The following NSG2 variants were observed in gnomAD, a reference collection of about 807,000 sequenced individuals.
NSG2 encodes the protein neuronal vesicle trafficking-associated protein 2.
NSG2 carries 4 observed loss-of-function variants against 16.9 expected under a neutral mutation model. The ratio of observed to expected loss-of-function variants is 0.24; its 90% CI spans 0.12 to 0.54. NSG2 has a LOEUF of 0.54. NSG2 is among the 20% of genes least tolerant of loss of function. The probability of loss-of-function intolerance (pLI) is 0.95; values close to 1 mark genes in which losing one functional copy is unlikely to be tolerated. For missense variants in NSG2, 179 were observed against 221.1 expected (o/e 0.81, Z 1.21); for synonymous variants, 98 against 88.7 (o/e 1.11, Z -0.59).
At chr5:174,053,792 G>T (rs1759927914) in intron 2 of NSG2, among the ~76,000 whole-genome samples, 2 of 152,150 alleles carry the variant, frequency 1.3e-5, no homozygotes, top group African/African-American at 4.8e-5. Flanking sequence ...ACAAAAAAAT[G>T]GATATTTCCT....
At chr5:174,073,031 C>CA (rs1280049034) in intron 3 of NSG2, among the ~76,000 whole-genome samples, 35 of 151,916 alleles carry the variant, frequency 2.3e-4, no homozygotes, top group African/African-American at 6.8e-4. Context: ...AATGAGCAAA[C>CA]AAAAAAAATC....
chr5:174,046,920 G>A (rs544540220), intron 2 of NSG2, 36 bp downstream of exon 2: 11 of 1,605,002 alleles, frequency 6.9e-6, no homozygotes, highest in Non-Finnish European at 9.4e-6. Flanking sequence ...CAGCCCCCAG[G>A]CTCCCCCCAT....
chr5:174,078,956 CAT>C (rs895097257), intron 3 of NSG2, among the ~76,000 whole-genome samples: 3 of 152,210 alleles, frequency 2.0e-5, no homozygotes, highest in Admixed American at 6.5e-5. Flanking sequence ...CACACACACA[CAT>C]GCACACGCAC....
chr5:174,099,624 C>T (rs1760868411), intron 3 of NSG2, among the ~76,000 whole-genome samples: 1 of 152,214 alleles, frequency 6.6e-6, no homozygotes, highest in Admixed American at 6.5e-5. Context: ...CCCAGGCCCC[C>T]AGGCTTCCCC....
intron 3 of NSG2, among the ~76,000 whole-genome samples, chr5:174,073,370 T>C (rs967083400): frequency 1.3e-5 from 2 of 152,224 alleles, no homozygotes; most frequent in African/African-American, 4.8e-5. Context: ...TCTTTTAAAT[T>C]TTGAGGAACA....
intron 2 of NSG2, among the ~76,000 whole-genome samples, chr5:174,052,634 C>T (rs910143038): frequency 4.6e-5 from 7 of 152,342 alleles, no homozygotes; most frequent in Middle Eastern, 3.4e-3. Context: ...GCCTTTGGTG[C>T]TTTGCTGCCT....
intron 2 of NSG2, among the ~76,000 whole-genome samples, chr5:174,062,806 C>T (rs1277986228): frequency 6.6e-6 from 1 of 152,178 alleles, no homozygotes; most frequent in African/African-American, 2.4e-5. Context: ...GAGTCCATGA[C>T]ATGCCTCACA....
At chr5:174,059,876 G>T (rs1760022735) in intron 2 of NSG2, among the ~76,000 whole-genome samples, 1 of 152,210 alleles carries the variant, frequency 6.6e-6, no homozygotes, top group South Asian at 2.1e-4. Context: ...CTTTCATCAA[G>T]ACACTAGTCA....
intron 4 of NSG2, among the ~76,000 whole-genome samples, chr5:174,106,001 A>G (rs1760974117): frequency 6.6e-6 from 1 of 152,224 alleles, no homozygotes; most frequent in Non-Finnish European, 1.5e-5. Context: ...CGTCACTACA[A>G]CTGGGAAAAT....
In NSG2 at chr5:174,064,274, A is replaced by G; in HGVS notation, c.172A>G (p.Asn58Asp). The part of the protein sequence containing the change: ...TRTEYQPEQK[N>D]KGKFRVPKIA... The stretch of plus-strand genomic sequence containing the variant: ...AACGGAATATCAGCCGGAACAGAAG[A>G]ACAAAGGGAAGTTCCGGGTGCCGAA... The change falls in exon 3 of 5, where the codon AAC becomes GAC. Residue 58 changes from asparagine to aspartate, a missense_variant. By Grantham distance (23) the Asn-to-Asp change is conservative. Transcript: ENST00000303177. 6.2e-7 allele frequency: 1 copy of G among 1,612,270 alleles called. No individual in the cohort carries two copies. Among genetic ancestry groups the G allele is most frequent in the Non-Finnish European group, 8.5e-7 (1 of 1,178,852 alleles).
chr5:174,050,687 G>C (rs1399505809), intron 2 of NSG2, among the ~76,000 whole-genome samples: 1 of 152,010 alleles, frequency 6.6e-6, no homozygotes, highest in Non-Finnish European at 1.5e-5. Flanking sequence ...GCTGCCCCTT[G>C]AGCCCTCCCC....
At chr5:174,063,511 T>C (rs1261930550) in intron 2 of NSG2, among the ~76,000 whole-genome samples, 1 of 150,342 alleles carries the variant, frequency 6.7e-6, no homozygotes, top group Non-Finnish European at 1.5e-5. Flanking sequence ...AGAATCTTCA[T>C]CATAACTTTC....
chr5:174,049,870 CA>C (rs1165649925), intron 2 of NSG2, among the ~76,000 whole-genome samples: 2 of 152,174 alleles, frequency 1.3e-5, no homozygotes, highest in Non-Finnish European at 2.9e-5. Flanking sequence ...CAGATGTGTT[CA>C]AAGTAAATTT....
At chr5:174,094,956 C>A (rs1760773209) in intron 3 of NSG2, among the ~76,000 whole-genome samples, 1 of 152,194 alleles carries the variant, frequency 6.6e-6, no homozygotes, top group Non-Finnish European at 1.5e-5. Flanking sequence ...ACGCAATGAA[C>A]AATTGTGATC....
chr5:174,076,275 G>A (rs1358881484), intron 3 of NSG2, among the ~76,000 whole-genome samples: 2 of 152,086 alleles, frequency 1.3e-5, no homozygotes, highest in Admixed American at 6.6e-5. Context: ...CTTTCACTGG[G>A]AGCAAATGAA....
intron 3 of NSG2, among the ~76,000 whole-genome samples, chr5:174,084,523 T>A (rs1760562541): frequency 6.6e-6 from 1 of 151,988 alleles, no homozygotes; most frequent in Non-Finnish European, 1.5e-5. Flanking sequence ...CTGATGCGAG[T>A]TCCTTCCACG....
chr5:174,108,386 A>C lies in NSG2; in HGVS notation c.*881A>C, dbSNP rs1761018729. On this transcript the variant is annotated 3_prime_UTR_variant, in exon 5 of 5. Transcript: ENST00000303177. ...GGAAGGCACGGGACAGGCATGTGACACTAGGCCACAAGCGATAAGCACAGG... is the reference window on the plus strand; with the variant it reads ...GGAAGGCACGGGACAGGCATGTGACCCTAGGCCACAAGCGATAAGCACAGG... The C allele has an allele frequency of 6.5e-6, 1 of 153,914 alleles. No homozygotes were observed. The allele number at this position is 153,914 out of a possible 1,614,324, so 9.5% of individuals were successfully genotyped here.
intron 3 of NSG2, among the ~76,000 whole-genome samples, chr5:174,085,090 G>A (rs150678211): frequency 1.3e-5 from 2 of 152,340 alleles, no homozygotes; most frequent in African/African-American, 4.8e-5. Flanking sequence ...AAGCAGTGCA[G>A]CCAGGCCTCT....
chr5:174,090,416 T>C (rs1361904853), intron 3 of NSG2, among the ~76,000 whole-genome samples: 1 of 152,104 alleles, frequency 6.6e-6, no homozygotes, highest in Non-Finnish European at 1.5e-5. Context: ...TGGGGGCTGG[T>C]CACATAGGCA....
Sources: allele counts gnomAD v4.1 joint callset (sites outside exome capture counted in the v4.1 genomes callset), GRCh38; gene constraint gnomAD v4.1.1; transcripts MANE v1.5; gene names NCBI Gene and HGNC (gene_info 2026-07-23, HGNC 2026-07-21).